TACR1: variants seen among roughly 807,000 people sequenced by gnomAD.
TACR1 encodes the protein tachykinin receptor 1.
A neutral mutation model predicts 35.8 loss-of-function variants in TACR1; 25 were observed. The observed-to-expected ratio is 0.70, with a 90% CI of 0.51 to 0.98. TACR1 has a LOEUF of 0.98. Among genes scored for constraint, TACR1 ranks in the 50% least tolerant of loss-of-function variants. The pLI is 0.00. For missense variants in TACR1, 478 were observed against 522.9 expected, an observed-to-expected ratio of 0.91 and a Z score of 0.84; for synonymous variants, 195 against 206.7, an observed-to-expected ratio of 0.94 and a Z score of 0.48.
chr2:75,184,536 C>T (rs73935635), intron 1 of TACR1, among the ~76,000 whole-genome samples: 1 of 151,074 alleles, frequency 6.6e-6, no homozygotes, highest in East Asian at 1.9e-4. Context: ...AGAAAAAAAA[C>T]CAGAAAAATC....
At chr2:75,075,449 T>C (rs896072717) in intron 2 of TACR1, among the ~76,000 whole-genome samples, 1 of 152,210 alleles carries the variant, frequency 6.6e-6, no homozygotes, top group African/African-American at 2.4e-5. Context: ...TCAGGAATCA[T>C]ATGAAGAGAG....
chr2:75,089,318 C>G (rs916647001), intron 2 of TACR1, among the ~76,000 whole-genome samples: 1 of 152,366 alleles, frequency 6.6e-6, no homozygotes. Flanking sequence ...ACCACCTCCA[C>G]TGGCAGCCCC....
intron 1 of TACR1, among the ~76,000 whole-genome samples, chr2:75,128,017 T>C (rs1343079153): frequency 6.6e-6 from 1 of 152,230 alleles, no homozygotes; most frequent in East Asian, 1.9e-4. Flanking sequence ...GCTCCTGTTC[T>C]ATCCCATCAC....
chr2:75,148,730 A>T (rs1007328550), intron 1 of TACR1, among the ~76,000 whole-genome samples: 1 of 152,060 alleles, frequency 6.6e-6, no homozygotes, highest in East Asian at 1.9e-4. Flanking sequence ...TTTTAATTAG[A>T]TCCCATTTGT....
intron 1 of TACR1, among the ~76,000 whole-genome samples, chr2:75,168,404 G>C (rs1229223851): frequency 4.6e-5 from 7 of 152,216 alleles, no homozygotes; most frequent in Non-Finnish European, 1.5e-5. Context: ...GGCCTTAAAA[G>C]GCAGAGAATC....
In TACR1 at chr2:75,087,608, C is replaced by T. The variant is rs112245928; in HGVS notation, c.584+32966G>A. On this transcript the variant is annotated intron_variant, in intron 2 of 4. Transcript: ENST00000305249. The stretch of plus-strand genomic sequence containing the variant: ...CTTTAAGCAGAAATCTGTGATTAAA[C>T]GCCGTGTTGTGCTAGTTAACATTTC... 9.1e-3 allele frequency among the ~76,000 whole-genome samples: 1,382 copies of T among 152,280 alleles called. 13 individuals are homozygous for T. Among genetic ancestry groups the T allele is most frequent in the African/African-American group, 0.031 (1,297 of 41,536 alleles).
At position 75,198,876 on chromosome 2, in the gene TACR1, G is replaced by A. The variant is rs79405056; in HGVS notation, c.59C>T (p.Ser20Leu). The A allele has an allele frequency of 3.1e-6, 5 of 1,613,936 alleles. No individual in the cohort carries two copies. The African/African-American group carries it at 4.0e-5, about 13-fold the overall frequency. The change falls in exon 1 of 5, where the codon TCG becomes TTG. Residue 20 changes from serine (S) to leucine (L), a missense_variant. By Grantham distance (145) the Ser-to-Leu change is moderately radical. Coordinates refer to ENST00000305249, the MANE Select transcript of TACR1 (RefSeq NM_001058.4). The part of the protein sequence containing the change: ...DLSPNISTNT[S>L]EPNQFVQPAW... ...TGGTTGCACGAACTGATTGGGTTCC[G>A]AGGTGTTAGTGGAGATGTTTGGGGA...
chr2:75,104,363 A>T (rs1230996281), intron 2 of TACR1, among the ~76,000 whole-genome samples: 2 of 152,104 alleles, frequency 1.3e-5, no homozygotes, highest in African/African-American at 4.8e-5. Context: ...TTGTAAATAT[A>T]TATGCACCCA....
intron 1 of TACR1, among the ~76,000 whole-genome samples, chr2:75,181,790 TC>T (rs1675564571): frequency 6.6e-6 from 1 of 152,214 alleles, no homozygotes; most frequent in Non-Finnish European, 1.5e-5. Context: ...AAGTATTTGA[TC>T]CTCCAAGGAG....
rs199913627 is a variant in TACR1 at position 75,198,686 on chromosome 2, T to A, written c.249A>T (p.Ala83=). Reference sequence around the variant, plus strand: ...AGGTGAAGTTCACCACTGTATTGAATGCAGCCATGGAGGCCTCCGCGAAGG... The same window carrying A: ...AGGTGAAGTTCACCACTGTATTGAAAGCAGCCATGGAGGCCTCCGCGAAGG... ...NLAFAEASMA[A]FNTVVNFTYA... Residue 83 remains alanine, a synonymous_variant, in exon 1 of 5, where the codon GCA becomes GCT. Coordinates refer to ENST00000305249, the MANE Select transcript of TACR1 (RefSeq NM_001058.4). 3.2e-5 allele frequency: 51 copies of A among 1,614,098 alleles called. No individual in the cohort carries two copies. Among genetic ancestry groups the A allele is most frequent in the African/African-American group, 1.1e-4 (8 of 74,940 alleles).
intron 1 of TACR1, among the ~76,000 whole-genome samples, chr2:75,181,122 G>T (rs1215515028): frequency 1.3e-5 from 2 of 152,162 alleles, no homozygotes; most frequent in African/African-American, 4.8e-5. Flanking sequence ...CTGGAATCTT[G>T]TTTCCCCAGT....
intron 1 of TACR1, among the ~76,000 whole-genome samples, chr2:75,144,542 C>G (rs1674467642): frequency 6.6e-6 from 1 of 152,128 alleles, no homozygotes; most frequent in South Asian, 2.1e-4. Flanking sequence ...ATCACTGGGT[C>G]TATGAAATGA....
intron 2 of TACR1, among the ~76,000 whole-genome samples, chr2:75,090,227 T>C (rs1572923621): frequency 6.6e-6 from 1 of 152,142 alleles, no homozygotes; most frequent in East Asian, 1.9e-4. Context: ...TTCTAACATA[T>C]GATATAATTT....
intron 2 of TACR1, among the ~76,000 whole-genome samples, chr2:75,092,708 C>T (rs1673335106): frequency 6.6e-6 from 1 of 152,058 alleles, no homozygotes; most frequent in Non-Finnish European, 1.5e-5. Flanking sequence ...GACTCAGAGC[C>T]CCACTGGATT....
chr2:75,192,619 C>A (rs10204684), intron 1 of TACR1, among the ~76,000 whole-genome samples: 9,148 of 152,168 alleles, frequency 0.06, 321 homozygotes, highest in Non-Finnish European at 0.079. Context: ...GACAGTTTTC[C>A]TTAAATGAGG....
Position 75,128,661 on chromosome 2 carries a change from T to C in TACR1, c.390-7893A>G, listed in dbSNP as rs561471587. Among the ~76,000 whole-genome samples the C allele has an allele frequency of 5.9e-5, 9 of 152,234 alleles. No individual in the cohort carries two copies. In the South Asian group the frequency reaches 1.2e-3, roughly 21 times the overall value. ...CAGGAAGACAGAGCGCGCATTTTTTTCTCCCTGAAAAGAGCAATGGTAGCA... is the reference window on the plus strand; with the variant it reads ...CAGGAAGACAGAGCGCGCATTTTTTCCTCCCTGAAAAGAGCAATGGTAGCA... On this transcript the variant is annotated intron_variant, in intron 1 of 4. Coordinates refer to ENST00000305249, the MANE Select transcript of TACR1 (RefSeq NM_001058.4).
At chr2:75,156,048 T>G (rs918987700) in intron 1 of TACR1, among the ~76,000 whole-genome samples, 1 of 152,264 alleles carries the variant, frequency 6.6e-6, no homozygotes, top group Non-Finnish European at 1.5e-5. Context: ...TAAGTTAAGA[T>G]ATCCTGGAAC....
chr2:75,174,065 A>G (rs945067059), intron 1 of TACR1, among the ~76,000 whole-genome samples: 13 of 152,144 alleles, frequency 8.5e-5, no homozygotes, highest in African/African-American at 3.1e-4. Flanking sequence ...AAACCCAGGA[A>G]CTTTTCCTGA....
chr2:75,077,002 C>T (rs907800028), intron 2 of TACR1, among the ~76,000 whole-genome samples: 4 of 152,240 alleles, frequency 2.6e-5, no homozygotes, highest in African/African-American at 9.6e-5. Context: ...CAGAGTTTCG[C>T]TCTTGTTGCC....
Sources: allele counts gnomAD v4.1 joint callset (sites outside exome capture counted in the v4.1 genomes callset), GRCh38; gene constraint gnomAD v4.1.1; transcripts MANE v1.5; gene names NCBI Gene and HGNC (gene_info 2026-07-23, HGNC 2026-07-21).